The following SYNDIG1 variants were observed in gnomAD, a reference collection of about 807,000 sequenced individuals.
SYNDIG1 encodes synapse differentiation inducing 1.
In SYNDIG1, 9 loss-of-function variants were observed where a neutral mutation model predicts 19.4. That is an observed-to-expected ratio of 0.46 (90% CI 0.28 to 0.81). The LOEUF is 0.81. Ranked by LOEUF, SYNDIG1 falls within the 30% of genes least tolerant of loss-of-function variation. SYNDIG1 has a pLI of 0.12. For synonymous variants in SYNDIG1, 141 were observed against 145.9 expected (o/e 0.97, Z 0.24); for missense variants, 311 against 343.3 (o/e 0.91, Z 0.74).
At chr20:24,514,730 A>G (rs557937139) in intron 1 of SYNDIG1, among the ~76,000 whole-genome samples, 6 of 152,206 alleles carry the variant, frequency 3.9e-5, no homozygotes, top group African/African-American at 1.2e-4. Flanking sequence ...ACAGAAAGTT[A>G]ACAAGGATAT....
chr20:24,584,886 G>C lies in SYNDIG1; in HGVS notation c.511G>C (p.Asp171His). ...SDYSSDTESE[D>H]NFLMMPPRDH... ...CTACTCAAGCGACACAGAGAGTGAG[G>C]ACAATTTCCTCATGATGCCCCCGCG... Residue 171 changes from aspartate to histidine, a missense_variant, in exon 3 of 4, where the codon GAC becomes CAC. By Grantham distance (81) the Asp-to-His change is moderately conservative (BLOSUM62 -1). Transcript: ENST00000376862. 1 of 1,614,172 alleles carries C rather than the reference G, an allele frequency of 6.2e-7. No homozygotes were observed. The highest frequency in any genetic ancestry group is 8.5e-7 in the Non-Finnish European group (1 of 1,180,032).
At chr20:24,642,318 G>A (rs1261737819) in intron 3 of SYNDIG1, among the ~76,000 whole-genome samples, 1 of 152,180 alleles carries the variant, frequency 6.6e-6, no homozygotes, top group Non-Finnish European at 1.5e-5. Flanking sequence ...CCTGCTATCA[G>A]TGTGGCTTGT....
At chr20:24,638,628 G>A (rs1265480659) in intron 3 of SYNDIG1, among the ~76,000 whole-genome samples, 1 of 152,150 alleles carries the variant, frequency 6.6e-6, no homozygotes, top group Non-Finnish European at 1.5e-5. Context: ...CTCCCAACGG[G>A]CTGGGATTAC....
chr20:24,521,710 C>T (rs1211707578), intron 1 of SYNDIG1, among the ~76,000 whole-genome samples: 1 of 151,870 alleles, frequency 6.6e-6, no homozygotes, highest in African/African-American at 2.4e-5. Context: ...CCAGCCTGGC[C>T]AACAGGACAA....
intron 3 of SYNDIG1, among the ~76,000 whole-genome samples, chr20:24,627,524 C>T (rs2059168403): frequency 6.6e-6 from 1 of 152,212 alleles, no homozygotes; most frequent in Non-Finnish European, 1.5e-5. Context: ...ATGCTGCAGT[C>T]TCCGCATTCC....
intron 1 of SYNDIG1, among the ~76,000 whole-genome samples, chr20:24,498,063 T>C (rs1461806372): frequency 6.6e-6 from 1 of 152,228 alleles, no homozygotes; most frequent in African/African-American, 2.4e-5. Flanking sequence ...CATTCCAGGG[T>C]GGTTTCCCAC....
At chr20:24,572,909 G>A (rs1188569034) in intron 2 of SYNDIG1, among the ~76,000 whole-genome samples, 1 of 152,200 alleles carries the variant, frequency 6.6e-6, no homozygotes, top group Non-Finnish European at 1.5e-5. Context: ...GAAGCTCAGA[G>A]ACGATTCAGA....
At chr20:24,545,000 T>G (rs1353886805) in intron 2 of SYNDIG1, among the ~76,000 whole-genome samples, 2 of 152,052 alleles carry the variant, frequency 1.3e-5, no homozygotes, top group African/African-American at 2.4e-5. Flanking sequence ...GGAGGAAGTT[T>G]GGAGCAGAAT....
intron 2 of SYNDIG1, among the ~76,000 whole-genome samples, chr20:24,548,659 G>A (rs893511979): frequency 6.6e-6 from 1 of 152,206 alleles, no homozygotes; most frequent in Non-Finnish European, 1.5e-5. Flanking sequence ...GATTTGAGGT[G>A]CTGCTGATTT....
At chr20:24,545,003 A>T (rs2057545603) in intron 2 of SYNDIG1, among the ~76,000 whole-genome samples, 1 of 152,108 alleles carries the variant, frequency 6.6e-6, no homozygotes, top group Non-Finnish European at 1.5e-5. Flanking sequence ...GGAAGTTTGG[A>T]GCAGAATCAG....
chr20:24,583,482 C>G (rs911196037), intron 2 of SYNDIG1, among the ~76,000 whole-genome samples: 1 of 152,244 alleles, frequency 6.6e-6, no homozygotes, highest in East Asian at 1.9e-4. Context: ...AGCGACTACT[C>G]TCCTAGAAAA....
At position 24,623,176 on chromosome 20, in the gene SYNDIG1, CA is replaced by C. The variant is rs56072016; in HGVS notation, c.618+38195del. ...CTTGGGTGACAGAGCAAGACTCCGT[CA>C]AAAAAAAAAAAGAAAAGAAAAAAGA... On this transcript the variant is annotated intron_variant, in intron 3 of 3. Transcript: ENST00000376862. 9.1e-4 allele frequency among the ~76,000 whole-genome samples: 128 copies of C among 140,626 alleles called. 2 individuals carry two copies. The highest frequency in any genetic ancestry group is 7.7e-4 in the Admixed American group (11 of 14,196). The allele number at this position is 140,626 out of a possible 152,430, so 92.3% of individuals were successfully genotyped here.
At position 24,492,528 on chromosome 20, in the gene SYNDIG1, A is replaced by T. The variant is rs145035209; in HGVS notation, c.-79+22775A>T. On this transcript the variant is annotated intron_variant, in intron 1 of 3. Coordinates refer to ENST00000376862, the MANE Select transcript of SYNDIG1 (RefSeq NM_024893.3). ...CAGCACTGCCTTCTCTTTTCTTCAG[A>T]GGCTGGCTTGAGCCAGGTTTGCATA... Among the ~76,000 whole-genome samples, 308 of 152,326 alleles carry T rather than the reference A, an allele frequency of 2.0e-3. 3 individuals are homozygous for T. Among genetic ancestry groups the T allele is most frequent in the African/African-American group, 6.9e-3 (287 of 41,578 alleles).
At chr20:24,553,627 T>C (rs375301543) in intron 2 of SYNDIG1, among the ~76,000 whole-genome samples, 1 of 152,206 alleles carries the variant, frequency 6.6e-6, no homozygotes, top group Non-Finnish European at 1.5e-5. Flanking sequence ...TGTAGATATG[T>C]GGCATTATTT....
chr20:24,473,593 G>C (rs2055532483), intron 1 of SYNDIG1, among the ~76,000 whole-genome samples: 1 of 152,116 alleles, frequency 6.6e-6, no homozygotes, highest in African/African-American at 2.4e-5. Flanking sequence ...GCAGCATATT[G>C]GATTGCACGG....
At chr20:24,638,745 T>G (rs1425808352) in intron 3 of SYNDIG1, among the ~76,000 whole-genome samples, 1 of 152,196 alleles carries the variant, frequency 6.6e-6, no homozygotes, top group Non-Finnish European at 1.5e-5. Context: ...GAATGGCCAT[T>G]GTCAAGATAA....
intron 1 of SYNDIG1, among the ~76,000 whole-genome samples, chr20:24,528,031 G>T (rs2057164549): frequency 6.6e-6 from 1 of 152,130 alleles, no homozygotes; most frequent in African/African-American, 2.4e-5. Context: ...GTGCAGCTCT[G>T]CCCCTTCAAG....
At chr20:24,652,059 G>A (rs1463208489) in intron 3 of SYNDIG1, among the ~76,000 whole-genome samples, 1 of 152,228 alleles carries the variant, frequency 6.6e-6, no homozygotes, top group Non-Finnish European at 1.5e-5. Flanking sequence ...AGAAAAAAAT[G>A]GTTGTTGTTC....
intron 2 of SYNDIG1, among the ~76,000 whole-genome samples, 163 bp downstream of exon 2, chr20:24,543,740 G>A: frequency 6.6e-6 from 1 of 152,330 alleles, no homozygotes; most frequent in African/African-American, 2.4e-5. Flanking sequence ...AGTGCTTATG[G>A]AAGATAGAAG....
Sources: gnomAD v4.1 joint callset for allele counts (sites outside exome capture counted in the v4.1 genomes callset) on GRCh38, gnomAD v4.1.1 for gene constraint, MANE v1.5 for transcripts, NCBI Gene and HGNC (gene_info 2026-07-23, HGNC 2026-07-21) for gene names.